The following SNX29 variants were observed in gnomAD, a reference collection of about 807,000 sequenced individuals.
SNX29 encodes sorting nexin-29.
In SNX29, 78 loss-of-function variants were observed where a neutral mutation model predicts 102.1. That is an observed-to-expected ratio of 0.76 (90% CI 0.64 to 0.92). SNX29 has a LOEUF of 0.92. Ranked by LOEUF, SNX29 falls within the 40% of genes least tolerant of loss-of-function variation. The probability of loss-of-function intolerance (pLI) is 0.00; values close to 1 mark genes in which losing one functional copy is unlikely to be tolerated. For missense variants in SNX29, 1,280 were observed against 1,061.7 expected, an observed-to-expected ratio of 1.21 and a Z score of -2.86; for synonymous variants, 580 against 414.5, an observed-to-expected ratio of 1.40 and a Z score of -4.85.
intron 19 of SNX29, among the ~76,000 whole-genome samples, chr16:12,506,222 A>G (rs1206879748): frequency 6.6e-6 from 1 of 152,114 alleles, no homozygotes; most frequent in Non-Finnish European, 1.5e-5. Flanking sequence ...CGGCCTCCCA[A>G]AGTGCTGGGA....
Position 12,563,401 on chromosome 16 carries a change from G to A in SNX29, c.2319-5105G>A, listed in dbSNP as rs903059788. Among the ~76,000 whole-genome samples, 3 of 152,224 alleles carry A rather than the reference G, an allele frequency of 2.0e-5. No homozygotes were observed. The East Asian group carries it at 5.8e-4, about 29-fold the overall frequency. Reference sequence around the variant, plus strand: ...TATTTTACCCGTAACCATGAAAATAGATGGCGACTGGATTTTGTTCCTTGC... The same window carrying A: ...TATTTTACCCGTAACCATGAAAATAAATGGCGACTGGATTTTGTTCCTTGC... On this transcript the variant is annotated intron_variant, in intron 20 of 20. Transcript: ENST00000566228.
intron 20 of SNX29, among the ~76,000 whole-genome samples, chr16:12,555,057 G>T (rs895457716): frequency 1.3e-5 from 2 of 151,684 alleles, no homozygotes. Context: ...TCAAGAGGCT[G>T]GTTGGAGTTG....
chr16:12,275,399 C>T (rs1396364418), intron 14 of SNX29, among the ~76,000 whole-genome samples: 1 of 152,216 alleles, frequency 6.6e-6, no homozygotes, highest in African/African-American at 2.4e-5. Flanking sequence ...CAGTCCAGAC[C>T]TACTGCGTTT....
rs2079233999 is a variant in SNX29, at chr16:12,573,694, A to G, written c.*5065A>G. On this transcript the variant is annotated 3_prime_UTR_variant, in exon 21 of 21. Coordinates refer to ENST00000566228, the MANE Select transcript of SNX29 (RefSeq NM_032167.5). ...TAAGACAGAGGATGCCCTTGCAAAA[A>G]TTGGGACTGAGGACAGTAGCACACG... 4 of 223,348 alleles carry G rather than the reference A, an allele frequency of 1.8e-5. No homozygotes were observed. Among genetic ancestry groups the G allele is most frequent in the Admixed American group, 1.1e-4 (2 of 17,454 alleles). The allele number at this position is 223,348 out of a possible 1,614,324, so 13.8% of individuals were successfully genotyped here. A position where few individuals can be genotyped will look rare whatever the true frequency, so the allele number is the denominator to read the frequency against.
At chr16:12,546,640 A>C (rs912352059) in intron 20 of SNX29, 2 of 152,214 alleles carry the variant, frequency 1.3e-5, no homozygotes, top group Admixed American at 6.5e-5. Context: ...TGATAATTAT[A>C]AACAATTACC....
chr16:12,514,599 T>C (rs917315512), intron 19 of SNX29, among the ~76,000 whole-genome samples: 1 of 152,212 alleles, frequency 6.6e-6, no homozygotes, highest in Non-Finnish European at 1.5e-5. Context: ...ACATGGTGGC[T>C]CATGCCTGTG....
At chr16:12,280,875 C>A (rs377430987) in intron 15 of SNX29, among the ~76,000 whole-genome samples, 1 of 152,124 alleles carries the variant, frequency 6.6e-6, no homozygotes, top group Non-Finnish European at 1.5e-5. Context: ...CTTTCCGTGT[C>A]AGAAGGGCAA....
chr16:12,060,918 G>A (rs530667227), intron 8 of SNX29: 54 of 455,302 alleles, frequency 1.2e-4, no homozygotes, highest in East Asian at 7.7e-4. Flanking sequence ...GGACCCAGAC[G>A]TGACTGGTCT....
chr16:12,285,630 C>A (rs2079570420), intron 15 of SNX29, among the ~76,000 whole-genome samples: 2 of 152,142 alleles, frequency 1.3e-5, no homozygotes, highest in Non-Finnish European at 1.5e-5. Context: ...CGGAAGCAGC[C>A]AGGACCTTGG....
chr16:12,031,294 A>T (rs898030748), intron 4 of SNX29, among the ~76,000 whole-genome samples: 2 of 150,934 alleles, frequency 1.3e-5, no homozygotes, highest in East Asian at 2.0e-4. Context: ...CTGGTCTCGA[A>T]CTCCTGGCCT....
At chr16:12,027,921 C>G (rs1305824824) in intron 4 of SNX29, among the ~76,000 whole-genome samples, 1 of 152,200 alleles carries the variant, frequency 6.6e-6, no homozygotes, top group African/African-American at 2.4e-5. Flanking sequence ...ATGCTTAGTA[C>G]TTAGTGCAAG....
intron 15 of SNX29, among the ~76,000 whole-genome samples, chr16:12,291,648 T>G (rs1307222582): frequency 6.6e-6 from 1 of 152,236 alleles, no homozygotes; most frequent in Non-Finnish European, 1.5e-5. Flanking sequence ...GTCAAAAACC[T>G]TATGTTTACT....
chr16:12,155,414 C>T (rs531869586), intron 13 of SNX29, among the ~76,000 whole-genome samples: 1 of 151,974 alleles, frequency 6.6e-6, no homozygotes, highest in South Asian at 2.1e-4. Context: ...CTTGAGAGCA[C>T]GGGGATGAGG....
intron 16 of SNX29, among the ~76,000 whole-genome samples, chr16:12,378,398 C>A (rs1018201535): frequency 6.6e-6 from 1 of 152,118 alleles, no homozygotes; most frequent in South Asian, 2.1e-4. Flanking sequence ...GCCTGTAATC[C>A]CAGCGCTTTA....
At chr16:12,539,160 G>A (rs1255469407) in intron 20 of SNX29, among the ~76,000 whole-genome samples, 2 of 151,596 alleles carry the variant, frequency 1.3e-5, no homozygotes, top group Non-Finnish European at 2.9e-5. Flanking sequence ...TTTTGCTCTT[G>A]TTCATGTCTG....
At chr16:12,000,151 G>T (rs565773506) in intron 2 of SNX29, among the ~76,000 whole-genome samples, 1 of 152,148 alleles carries the variant, frequency 6.6e-6, no homozygotes, top group Non-Finnish European at 1.5e-5. Context: ...GCTTGACTCC[G>T]GCTGGGCTTG....
intron 9 of SNX29, among the ~76,000 whole-genome samples, chr16:12,068,550 A>T (rs28422474): frequency 0.29 from 44,057 of 149,564 alleles, 6,500 homozygotes; most frequent in Admixed American, 0.32. Context: ...TAGGGCTTTT[A>T]AAAAAAAATT....
intron 20 of SNX29, among the ~76,000 whole-genome samples, chr16:12,533,262 C>T (rs886247395): frequency 6.6e-6 from 1 of 152,250 alleles, no homozygotes; most frequent in African/African-American, 2.4e-5. Context: ...CTGTGGAGTG[C>T]TTTGCAGAAT....
chr16:12,046,947 G>T (rs1245980825), intron 6 of SNX29, among the ~76,000 whole-genome samples: 1 of 152,186 alleles, frequency 6.6e-6, no homozygotes, highest in African/African-American at 2.4e-5. Flanking sequence ...ATCTAGAATG[G>T]GAGACCCTGG....
Sources: allele counts gnomAD v4.1 joint callset (sites outside exome capture counted in the v4.1 genomes callset), GRCh38; gene constraint gnomAD v4.1.1; transcripts MANE v1.5; gene names NCBI Gene and HGNC (gene_info 2026-07-23, HGNC 2026-07-21).